The following SPAG6 variants were observed in gnomAD, a reference collection of about 807,000 sequenced individuals.
The protein encoded by SPAG6 is sperm associated antigen 6, also known as sperm-associated antigen 6.
Under a neutral mutation model 58.5 loss-of-function variants are expected in SPAG6, and 49 were observed. The observed-to-expected ratio is 0.84, with a 90% CI of 0.67 to 1.06. SPAG6 has a LOEUF of 1.06. Ranked by LOEUF, SPAG6 falls within the 50% of genes least tolerant of loss-of-function variation. The pLI, the probability that SPAG6 is intolerant of heterozygous loss-of-function variation, is 0.00. For missense variants in SPAG6, 560 were observed against 611.3 expected (o/e 0.92, Z 0.89); for synonymous variants, 233 against 225.6 (o/e 1.03, Z -0.29).
chr10:22,387,966 A>G lies in SPAG6; in HGVS notation c.822A>G (p.Leu274=), dbSNP rs909585890. 1.2e-6 allele frequency: 2 copies of G among 1,611,814 alleles called. No individual in the cohort carries two copies. Among genetic ancestry groups the G allele is most frequent in the African/African-American group, 2.7e-5 (2 of 74,898 alleles). Residue 274 remains leucine (L), a synonymous_variant, in exon 6 of 11, where the codon TTA becomes TTG. Transcript: ENST00000376624. The stretch of plus-strand genomic sequence containing the variant: ...ACGTGAAGAAAAATGCTTCTACTTT[A>G]ATTAGAGAGATTGCAAAACATACAC... ...DEYVKKNAST[L]IREIAKHTPE...
chr10:22,383,705 C>G (rs1216595999), intron 4 of SPAG6, among the ~76,000 whole-genome samples: 1 of 152,042 alleles, frequency 6.6e-6, no homozygotes, highest in Non-Finnish European at 1.5e-5. Flanking sequence ...AGGTTGGAAG[C>G]ACTTCCTGAA....
chr10:22,405,960 A>G (rs1302826369), intron 9 of SPAG6, among the ~76,000 whole-genome samples: 1 of 152,086 alleles, frequency 6.6e-6, no homozygotes, highest in East Asian at 1.9e-4. Flanking sequence ...GGTAGTTTGT[A>G]TTTCTGTGGG....
intron 3 of SPAG6, among the ~76,000 whole-genome samples, chr10:22,367,242 C>G (rs902013674): frequency 6.6e-6 from 1 of 151,804 alleles, no homozygotes; most frequent in African/African-American, 2.4e-5. Context: ...CATTTTTTCC[C>G]CACATTTGTA....
At chr10:22,409,198 G>A (rs1324837720) in intron 9 of SPAG6, among the ~76,000 whole-genome samples, 1 of 152,178 alleles carries the variant, frequency 6.6e-6, no homozygotes, top group Non-Finnish European at 1.5e-5. Context: ...ACTAAAAAGA[G>A]ATGATAAAGC....
intron 4 of SPAG6, among the ~76,000 whole-genome samples, chr10:22,374,995 T>A (rs1833784422): frequency 1.3e-5 from 2 of 152,214 alleles, no homozygotes; most frequent in South Asian, 4.1e-4. Flanking sequence ...TTCTTTTAGT[T>A]TAAATCTTTG....
rs1211306448 is a variant in SPAG6, at chr10:22,386,915, G to T, written c.634G>T (p.Ala212Ser). ...AQTVVDAGAV[A>S]HLAQMILNPD... ...GACAGTAGTGGATGCAGGAGCTGTT[G>T]CTCATTTAGCCCAGATGATCCTGAA... is the stretch of plus-strand genomic sequence containing the variant. Residue 212 changes from alanine to serine, a missense_variant, in exon 5 of 11, where the codon GCT becomes TCT. Physicochemically the swap from Ala to Ser is moderately conservative, Grantham distance 99. Coordinates refer to ENST00000376624, the MANE Select transcript of SPAG6 (RefSeq NM_012443.4). The T allele has an allele frequency of 1.2e-6, 2 of 1,613,756 alleles. No homozygotes were observed. The highest frequency in any genetic ancestry group is 8.5e-7 in the Non-Finnish European group (1 of 1,179,774).
intron 4 of SPAG6, among the ~76,000 whole-genome samples, chr10:22,376,608 T>C (rs967418571): frequency 6.6e-6 from 1 of 152,156 alleles, no homozygotes; most frequent in African/African-American, 2.4e-5. Context: ...CCAGTATACA[T>C]ACATGCATGT....
intron 4 of SPAG6, among the ~76,000 whole-genome samples, chr10:22,378,223 CT>C (rs944433832): frequency 1.3e-5 from 2 of 151,730 alleles, no homozygotes; most frequent in Non-Finnish European, 2.9e-5. Flanking sequence ...GCCACCACGC[CT>C]GGCTAATTTT....
intron 10 of SPAG6, among the ~76,000 whole-genome samples, chr10:22,414,036 G>T (rs1834810135): frequency 6.6e-6 from 1 of 152,004 alleles, no homozygotes; most frequent in South Asian, 2.1e-4. Flanking sequence ...GAGGAAAGGG[G>T]TCTGGACTAG....
intron 5 of SPAG6, among the ~76,000 whole-genome samples, chr10:22,387,232 T>C (rs1423423397): frequency 1.3e-5 from 2 of 152,196 alleles, no homozygotes; most frequent in Admixed American, 6.6e-5. Context: ...AATTAAATCC[T>C]GGTTTGGAAA....
rs1268722167 is a variant in SPAG6 at position 22,417,057 on chromosome 10, G to A, written c.*369G>A. On this transcript the variant is annotated 3_prime_UTR_variant, in exon 11 of 11. Transcript: ENST00000376624. ...AATTATTCTAGCCAATTTGTCATAGGCATAGGCAAGGAAAGCTGGCCTTGC... is the reference window on the plus strand; with the variant it reads ...AATTATTCTAGCCAATTTGTCATAGACATAGGCAAGGAAAGCTGGCCTTGC... 1.2e-5 allele frequency: 2 copies of A among 171,528 alleles called. No homozygotes were observed. Among genetic ancestry groups the A allele is most frequent in the Non-Finnish European group, 2.5e-5 (2 of 78,974 alleles). 10.6% of individuals were successfully genotyped at this position (171,528 alleles called of 1,614,324 possible).
In SPAG6 at chr10:22,345,764, A is replaced by G. The variant is rs1164057864; in HGVS notation, c.67A>G (p.Met23Val). Residue 23 changes from methionine to valine, a missense_variant, in exon 2 of 11, where the codon ATG becomes GTG. Coordinates refer to ENST00000376624, the MANE Select transcript of SPAG6 (RefSeq NM_012443.4). The surrounding 1 kb of genome is among the most constrained non-coding windows in gnomAD (Gnocchi z 6.3). Reference sequence around the variant, plus strand: ...GAAGGCCAGGACCCAGTTCGTGCAGATGGTGGCGGAGCTGGCGACTAGACC... The same window carrying G: ...GAAGGCCAGGACCCAGTTCGTGCAGGTGGTGGCGGAGCTGGCGACTAGACC... Reference protein sequence around the residue: ...YQKARTQFVQMVAELATRPQN... With the variant: ...YQKARTQFVQVVAELATRPQN... 6.2e-7 allele frequency: 1 copy of G among 1,613,504 alleles called. No individual in the cohort carries two copies. The highest frequency in any genetic ancestry group is 8.5e-7 in the Non-Finnish European group (1 of 1,179,836).
In SPAG6 at chr10:22,358,271, G is replaced by A. The variant is rs1245984848; in HGVS notation, c.122-6582G>A. On this transcript the variant is annotated intron_variant, in intron 2 of 10. Transcript: ENST00000376624. ...GTTGTTTCTTGACTTTTTAATGATC[G>A]CCATTCTAACTGGTGTGAGATGGTA... Among the ~76,000 whole-genome samples, 14 of 152,162 alleles carry A rather than the reference G, an allele frequency of 9.2e-5. No homozygotes were observed. In the South Asian group the frequency reaches 1.0e-3, roughly 11 times the overall value.
At chr10:22,347,439 A>G (rs1419011305) in intron 2 of SPAG6, among the ~76,000 whole-genome samples, 1 of 152,228 alleles carries the variant, frequency 6.6e-6, no homozygotes, top group Non-Finnish European at 1.5e-5. Context: ...GTAAACTTTT[A>G]AAGTTTTTTC....
At chr10:22,404,755 T>C (rs557856746) in intron 9 of SPAG6, among the ~76,000 whole-genome samples, 5 of 147,402 alleles carry the variant, frequency 3.4e-5, no homozygotes, top group Non-Finnish European at 7.5e-5. Flanking sequence ...ATATTGATTC[T>C]TCCTACCCAT....
intron 4 of SPAG6, among the ~76,000 whole-genome samples, chr10:22,378,344 G>A (rs556756289): frequency 9.9e-5 from 15 of 151,438 alleles, no homozygotes; most frequent in South Asian, 6.3e-4. Context: ...GATTACAGGC[G>A]TGAGCCAGTG....
At chr10:22,361,039 A>C in intron 2 of SPAG6, 1 of 534,188 alleles carries the variant, frequency 1.9e-6, no homozygotes, top group Non-Finnish European at 3.3e-6. Context: ...CTTTAGAGGA[A>C]GAGAAGCACA....
intron 4 of SPAG6, among the ~76,000 whole-genome samples, chr10:22,382,953 C>G (rs972119613): frequency 1.3e-5 from 2 of 152,102 alleles, no homozygotes; most frequent in African/African-American, 4.8e-5. Context: ...AACATGTAGC[C>G]TTTTCTCTTT....
intron 10 of SPAG6, among the ~76,000 whole-genome samples, chr10:22,413,241 A>C (rs1394859877): frequency 6.6e-6 from 1 of 151,768 alleles, no homozygotes; most frequent in African/African-American, 2.4e-5. Flanking sequence ...ATTAGAAATT[A>C]ATCTAGTGCT....
Sources: allele counts gnomAD v4.1 joint callset (sites outside exome capture counted in the v4.1 genomes callset), GRCh38; gene constraint gnomAD v4.1.1; non-coding constraint Gnocchi (gnomAD v3.1); transcripts MANE v1.5; gene names NCBI Gene and HGNC (gene_info 2026-07-23, HGNC 2026-07-21).